The following PLPPR4 variants were observed in gnomAD, a reference collection of about 807,000 sequenced individuals.
The protein encoded by PLPPR4 is phospholipid phosphatase related 4, also known as phospholipid phosphatase-related protein type 4.
In PLPPR4, 24 loss-of-function variants were observed where a neutral mutation model predicts 56.6. That is an observed-to-expected ratio of 0.42 (90% confidence interval 0.31 to 0.60). The LOEUF is 0.60. PLPPR4 is among the 20% of genes least tolerant of loss of function. The pLI is 0.13. For synonymous variants in PLPPR4, 326 were observed against 328.1 expected (o/e 0.99, Z 0.07); for missense variants, 654 against 885.8 (o/e 0.74, Z 3.32).
intron 5 of PLPPR4, among the ~76,000 whole-genome samples, 183 bp downstream of exon 5, chr1:99,301,149 C>T (rs1015626762): frequency 3.3e-5 from 5 of 151,910 alleles, no homozygotes; most frequent in Admixed American, 6.6e-5. Context: ...AAAAATAGTA[C>T]AGTAAAAGAA....
chr1:99,300,131 C>T (rs952222112), intron 4 of PLPPR4, among the ~76,000 whole-genome samples: 1 of 151,854 alleles, frequency 6.6e-6, no homozygotes, highest in Non-Finnish European at 1.5e-5. Context: ...TTTCTCAGTC[C>T]TATTACATTA....
At chr1:99,290,390 G>A (rs759835978) in intron 2 of PLPPR4, among the ~76,000 whole-genome samples, 1 of 152,138 alleles carries the variant, frequency 6.6e-6, no homozygotes, top group Non-Finnish European at 1.5e-5. Flanking sequence ...TATATTCAAT[G>A]CTATTCCCAT....
Position 99,264,586 on chromosome 1 carries a change from C to T in PLPPR4, c.-8C>T, listed in dbSNP as rs1458600514. 6.4e-7 allele frequency: 1 copy of T among 1,550,872 alleles called. No homozygotes were observed. Among genetic ancestry groups the T allele is most frequent in the Non-Finnish European group, 8.7e-7 (1 of 1,147,044 alleles). ...GGGGGAGGACGCAGACCCGGGCAGG[C>T]GGCAGGGATGTCGGCGAAGGAGAGG... On this transcript the variant is annotated 5_prime_UTR_variant, in exon 1 of 7. Transcript: ENST00000370185.
At chr1:99,298,934 C>T (rs1206120988) in intron 3 of PLPPR4, 101 bp from the exon 4 acceptor site, 2 of 850,324 alleles carry the variant, frequency 2.4e-6, no homozygotes, top group Non-Finnish European at 2.0e-6. Flanking sequence ...AGAAAATGAA[C>T]ACAATAGATT....
chr1:99,282,254 C>T (rs1165507111), intron 1 of PLPPR4, among the ~76,000 whole-genome samples: 1 of 152,164 alleles, frequency 6.6e-6, no homozygotes, highest in Non-Finnish European at 1.5e-5. Flanking sequence ...TTATCTTCTT[C>T]ATTGATCAAG....
At chr1:99,301,620 T>C (rs1216569166) in intron 5 of PLPPR4, 104 bp from the exon 6 acceptor site, 9 of 758,758 alleles carry the variant, frequency 1.2e-5, no homozygotes, top group Non-Finnish European at 1.9e-5. Context: ...GGTGAAACAG[T>C]AAAACTGAAG....
intron 1 of PLPPR4, among the ~76,000 whole-genome samples, chr1:99,282,933 T>A (rs1287971198): frequency 1.4e-5 from 2 of 147,988 alleles, no homozygotes; most frequent in Middle Eastern, 3.3e-3. Context: ...TATATCTTTC[T>A]GATATATATT....
intron 1 of PLPPR4, among the ~76,000 whole-genome samples, chr1:99,281,541 ATGT>A (rs1341115218): frequency 2.0e-5 from 3 of 152,118 alleles, no homozygotes; most frequent in Admixed American, 6.6e-5. Flanking sequence ...GCCTAATATT[ATGT>A]TATTATTATT....
rs758241562 is a variant in PLPPR4, at chr1:99,306,056, G to A, written c.1194G>A (p.Gln398=). The change falls in exon 7 of 7, where the codon CAG becomes CAA. Residue 398 remains glutamine, a synonymous_variant. Coordinates refer to ENST00000370185, the MANE Select transcript of PLPPR4 (RefSeq NM_014839.5). This position sits in a 1 kb window ranked among gnomAD's most constrained non-coding sequence, Gnocchi z 4.0. The stretch of plus-strand genomic sequence containing the variant: ...CTATGGATTCCGCTCGATCAAAGCA[G>A]CTCCTCACCCAGTGGAAGAATAAGA... ...HASMDSARSK[Q]LLTQWKNKNE... is the part of the protein sequence containing the mutation. 2.5e-6 allele frequency: 4 copies of A among 1,614,170 alleles called. No individual in the cohort carries two copies. In the Admixed American group the frequency reaches 6.7e-5, roughly 27 times the overall value.
intron 2 of PLPPR4, among the ~76,000 whole-genome samples, chr1:99,292,360 A>C (rs1659644076): frequency 6.6e-6 from 1 of 152,122 alleles, no homozygotes; most frequent in African/African-American, 2.4e-5. Flanking sequence ...CTCAATATAC[A>C]AGTTTGAGAT....
chr1:99,272,213 T>A (rs1252709157), intron 1 of PLPPR4, among the ~76,000 whole-genome samples: 4 of 152,118 alleles, frequency 2.6e-5, no homozygotes. Context: ...AATAAAATTA[T>A]GCGATCCAAG....
At chr1:99,284,104 G>T (rs80178385) in intron 1 of PLPPR4, among the ~76,000 whole-genome samples, 1 of 151,936 alleles carries the variant, frequency 6.6e-6, no homozygotes, top group Non-Finnish European at 1.5e-5. Context: ...AAATGCAATC[G>T]AAACAAGTCT....
At chr1:99,278,865 AC>A in intron 1 of PLPPR4, among the ~76,000 whole-genome samples, 1 of 152,340 alleles carries the variant, frequency 6.6e-6, no homozygotes, top group South Asian at 2.1e-4. Context: ...TCAACCTAAT[AC>A]ATCTATTAGG....
At chr1:99,275,177 T>C (rs1659154227) in intron 1 of PLPPR4, among the ~76,000 whole-genome samples, 1 of 152,162 alleles carries the variant, frequency 6.6e-6, no homozygotes, top group Non-Finnish European at 1.5e-5. Context: ...GTCTTCTTCA[T>C]GGCAAAACCT....
intron 1 of PLPPR4, among the ~76,000 whole-genome samples, chr1:99,266,721 G>A (rs1658908350): frequency 6.6e-6 from 1 of 152,218 alleles, no homozygotes; most frequent in African/African-American, 2.4e-5. Flanking sequence ...AGACTTCAAA[G>A]ACAGAGCCAC....
intron 1 of PLPPR4, among the ~76,000 whole-genome samples, chr1:99,272,840 C>A (rs1659092021): frequency 6.6e-6 from 1 of 151,980 alleles, no homozygotes; most frequent in Non-Finnish European, 1.5e-5. Context: ...CTCATCTGAT[C>A]CTCTAAATGC....
chr1:99,263,758 G>A (rs182038991), upstream of PLPPR4, among the ~76,000 whole-genome samples: 4 of 152,152 alleles, frequency 2.6e-5, no homozygotes, highest in Non-Finnish European at 5.9e-5. Flanking sequence ...CACTGTTCTG[G>A]GGGTGTGACA....
chr1:99,305,202 C>T (rs921511551), intron 6 of PLPPR4, among the ~76,000 whole-genome samples: 1 of 152,052 alleles, frequency 6.6e-6, no homozygotes, highest in Non-Finnish European at 1.5e-5. Context: ...GACCTTCTTT[C>T]AAAACCAGAT....
At chr1:99,264,425 G>A (rs1368238086), upstream of PLPPR4, 3 of 1,460,804 alleles carry the variant, frequency 2.1e-6, no homozygotes, top group South Asian at 1.4e-5. Context: ...TGCAAAAAGG[G>A]GCGGGGAGAA....
Sources: allele counts gnomAD v4.1 joint callset (sites outside exome capture counted in the v4.1 genomes callset), GRCh38; gene constraint gnomAD v4.1.1; non-coding constraint Gnocchi (gnomAD v3.1); transcripts MANE v1.5; gene names NCBI Gene and HGNC (gene_info 2026-07-23, HGNC 2026-07-21).